The following MACF1 variants were observed in gnomAD, a reference collection of about 807,000 sequenced individuals.
MACF1 encodes the protein microtubule actin crosslinking factor 1.
MACF1 carries 193 observed loss-of-function variants against 854.8 expected under a neutral mutation model. That is an observed-to-expected ratio of 0.23 (90% CI 0.20 to 0.25). The LOEUF (loss-of-function observed/expected upper bound fraction) is 0.25, where lower values mean the gene tolerates loss of function less well. Among genes scored for constraint, MACF1 ranks in the 10% least tolerant of loss-of-function variants. The pLI, the probability that MACF1 is intolerant of heterozygous loss-of-function variation, is 1.00. For missense variants in MACF1, 7,722 were observed against 8,929.1 expected (o/e 0.86, Z 5.45); for synonymous variants, 3,185 against 3,226.7 (o/e 0.99, Z 0.44).
intron 2 of MACF1, among the ~76,000 whole-genome samples, chr1:39,186,952 AAT>A: frequency 6.6e-6 from 1 of 150,524 alleles, no homozygotes; most frequent in Admixed American, 6.6e-5. Context: ...AAACAGCCAG[AAT>A]ATATTTCTTT....
chr1:39,411,187 AC>A, intron 58 of MACF1: 2 of 1,613,640 alleles, frequency 1.2e-6, no homozygotes, highest in Non-Finnish European at 1.7e-6. Flanking sequence ...TGTTCTCATA[AC>A]CCCCAGCCTG....
intron 64 of MACF1, 90 bp downstream of exon 64, chr1:39,429,416 T>C (rs1570042878): frequency 1.3e-6 from 1 of 747,876 alleles, no homozygotes. Context: ...TAGCCTCTTC[T>C]TTATGTATAT....
intron 20 of MACF1, among the ~76,000 whole-genome samples, chr1:39,296,539 G>A (rs905016249): frequency 4.0e-5 from 6 of 151,784 alleles, no homozygotes; most frequent in African/African-American, 1.5e-4. Flanking sequence ...AGACCAGCCT[G>A]GCCAACATGG....
chr1:39,379,178 C>T, intron 53 of MACF1, 25 bp from the exon 54 acceptor site: 1 of 1,543,886 alleles, frequency 6.5e-7, no homozygotes, highest in South Asian at 1.3e-5. Context: ...TGTCTCCAAT[C>T]TGATTTCTGT....
chr1:39,093,038 C>A (rs552891796), intron 2 of MACF1, among the ~76,000 whole-genome samples: 7 of 152,158 alleles, frequency 4.6e-5, no homozygotes, highest in Non-Finnish European at 1.0e-4. Flanking sequence ...CCCGCCTGGG[C>A]CTCCGAAAGT....
intron 99 of MACF1, among the ~76,000 whole-genome samples, chr1:39,481,797 G>C (rs990739998): frequency 6.6e-6 from 1 of 152,174 alleles, no homozygotes; most frequent in Non-Finnish European, 1.5e-5. Flanking sequence ...TGTGCCTCAA[G>C]ACAGTGTTGC....
At chr1:39,350,732 A>T (rs1647160274) in intron 42 of MACF1, 53 bp from the exon 43 acceptor site, 2 of 1,282,312 alleles carry the variant, frequency 1.6e-6, no homozygotes, top group Admixed American at 3.5e-5. Context: ...CCATTAGAGG[A>T]CTTAGAAGCA....
intron 56 of MACF1, among the ~76,000 whole-genome samples, chr1:39,384,720 A>T (rs371098502): frequency 6.6e-6 from 1 of 152,236 alleles, no homozygotes; most frequent in African/African-American, 2.4e-5. Context: ...AAAAACAGAC[A>T]CTGAGAGTTG....
At chr1:39,201,574 G>C (rs777557236), upstream of MACF1, among the ~76,000 whole-genome samples, 1 of 151,976 alleles carries the variant, frequency 6.6e-6, no homozygotes, top group African/African-American at 2.4e-5. Flanking sequence ...GGATGGTCTC[G>C]ATCTCTTGAC....
At chr1:39,377,104 G>A (rs767019248) in intron 52 of MACF1, among the ~76,000 whole-genome samples, 5 of 151,944 alleles carry the variant, frequency 3.3e-5, no homozygotes, top group African/African-American at 9.7e-5. Context: ...TCTGCCTCCC[G>A]GGTTCAATCG....
chr1:39,240,828 G>C (rs1226868868), intron 2 of MACF1, among the ~76,000 whole-genome samples: 3 of 152,136 alleles, frequency 2.0e-5, no homozygotes, highest in African/African-American at 4.8e-5. Flanking sequence ...CACATTCTTA[G>C]AGAATCTGTT....
rs762388966 is a variant in MACF1 at position 39,385,742 on chromosome 1, A to C, written c.14157A>C (p.Val4719=). 6.2e-6 allele frequency: 10 copies of C among 1,614,058 alleles called. No individual in the cohort carries two copies. In the African/African-American group the frequency reaches 1.3e-4, roughly 22 times the overall value. Residue 4719 remains valine, a synonymous_variant, in exon 57 of 101, where the codon GTA becomes GTC. Coordinates refer to ENST00000564288, the MANE Select transcript of MACF1 (RefSeq NM_001394062.1). ...CTATCAGCACCCAACCAGAGGCTGT[A>C]AAGCAGCAATTGGAAGAGACCAGTG... is the stretch of plus-strand genomic sequence containing the variant. ...QSAISTQPEA[V]KQQLEETSEI...
At chr1:39,188,853 TTC>T (rs1644211291) in intron 2 of MACF1, among the ~76,000 whole-genome samples, 1 of 151,352 alleles carries the variant, frequency 6.6e-6, no homozygotes, top group Non-Finnish European at 1.5e-5. Context: ...ATCCACCTGT[TTC>T]TGCCTCCCAA....
Position 39,360,798 on chromosome 1 carries a change from A to C in MACF1, c.12250A>C (p.Ile4084Leu). 1 of 1,605,812 alleles carries C rather than the reference A, an allele frequency of 6.2e-7. No homozygotes were observed. The highest frequency in any genetic ancestry group is 8.5e-7 in the Non-Finnish European group (1 of 1,175,572). Residue 4084 changes from isoleucine (I) to leucine (L), a missense_variant, in exon 48 of 101, where the codon ATA becomes CTA. Ile to Leu is a conservative substitution (Grantham distance 5, BLOSUM62 2). Coordinates refer to ENST00000564288, the MANE Select transcript of MACF1 (RefSeq NM_001394062.1). ...HRHVQETTDS[I>L]LSHFQSLSYS... ...TTCATGGCCTGATTTTTCAGATTCC[A>C]TACTCAGCCACTTCCAAAGCCTCTC... is the stretch of plus-strand genomic sequence containing the variant.
rs374032803 is a variant in MACF1 at position 39,215,778 on chromosome 1, G to A, written c.109+10647G>A. ...TTTTTAGCAGAAGTTGGTTGGTTACGGAGTCCACCTCTGAGCAGACTGGCG... is the reference window on the plus strand; with the variant it reads ...TTTTTAGCAGAAGTTGGTTGGTTACAGAGTCCACCTCTGAGCAGACTGGCG... On this transcript the variant is annotated intron_variant, in intron 1 of 100. Transcript: ENST00000564288. Among the ~76,000 whole-genome samples the A allele has an allele frequency of 2.1e-4, 32 of 152,176 alleles. No homozygotes were observed. In the South Asian group the frequency reaches 3.5e-3, roughly 17 times the overall value.
intron 49 of MACF1, 99 bp from the exon 50 acceptor site, chr1:39,368,049 T>C (rs1569741476): frequency 1.2e-6 from 1 of 825,706 alleles, no homozygotes; most frequent in East Asian, 2.6e-5. Context: ...TGTTTTGATC[T>C]AGCATTTGAC....
At chr1:39,453,992 C>A in intron 88 of MACF1, 142 bp downstream of exon 88, 2 of 1,068,848 alleles carry the variant, frequency 1.9e-6, no homozygotes, top group Non-Finnish European at 2.7e-6. Context: ...TTAGTAAAGA[C>A]TGTTTTCTTG....
At chr1:39,244,910 G>T (rs1367689379) in intron 2 of MACF1, among the ~76,000 whole-genome samples, 1 of 152,082 alleles carries the variant, frequency 6.6e-6, no homozygotes, top group Non-Finnish European at 1.5e-5. Flanking sequence ...CGGGGGTTTT[G>T]CTGTGTTGGT....
chr1:39,248,266 T>G (rs1265300912), intron 2 of MACF1, among the ~76,000 whole-genome samples: 1 of 152,180 alleles, frequency 6.6e-6, no homozygotes, highest in Non-Finnish European at 1.5e-5. Flanking sequence ...TTTCCATTCT[T>G]TATCTTGTCC....
Sources: gnomAD v4.1 joint callset for allele counts (sites outside exome capture counted in the v4.1 genomes callset) on GRCh38, gnomAD v4.1.1 for gene constraint, MANE v1.5 for transcripts, NCBI Gene and HGNC (gene_info 2026-07-23, HGNC 2026-07-21) for gene names.